TOX2: variants seen among roughly 807,000 people sequenced by gnomAD.
The protein encoded by TOX2 is TOX high mobility group box family member 2.
A neutral mutation model predicts 47.4 loss-of-function variants in TOX2; 15 were observed. That is an observed-to-expected ratio of 0.32 (90% confidence interval 0.21 to 0.49). The LOEUF is 0.49. Among genes scored for constraint, TOX2 ranks in the 20% least tolerant of loss-of-function variants. The probability of loss-of-function intolerance (pLI) is 0.99; values close to 1 mark genes in which losing one functional copy is unlikely to be tolerated. For missense variants in TOX2, 622 were observed against 673.1 expected (o/e 0.92, Z 0.84); for synonymous variants, 290 against 296.6 (o/e 0.98, Z 0.23).
chr20:44,006,414 C>A (rs1319158191), intron 2 of TOX2, 133 bp from the exon 3 acceptor site: 2 of 1,412,702 alleles, frequency 1.4e-6, no homozygotes, highest in African/African-American at 1.4e-5. Flanking sequence ...CTCTGCCTTG[C>A]AGAAACATCA....
intron 1 of TOX2, among the ~76,000 whole-genome samples, chr20:43,922,923 C>G (rs562430431): frequency 2.6e-5 from 4 of 152,102 alleles, no homozygotes; most frequent in African/African-American, 9.7e-5. Context: ...GGGTGAATGG[C>G]TATGTGGATT....
intron 2 of TOX2, among the ~76,000 whole-genome samples, chr20:43,998,483 C>T (rs917103759): frequency 2.0e-5 from 3 of 152,194 alleles, no homozygotes; most frequent in Non-Finnish European, 4.4e-5. Context: ...CCTCAATCCT[C>T]ACTCATTTCT....
intron 1 of TOX2, among the ~76,000 whole-genome samples, chr20:43,964,404 G>A (rs1204521420): frequency 6.6e-6 from 1 of 152,260 alleles, no homozygotes; most frequent in Non-Finnish European, 1.5e-5. Context: ...GACCTAGGTT[G>A]CAGCTGTCTC....
intron 2 of TOX2, among the ~76,000 whole-genome samples, chr20:44,004,578 C>T (rs1251037251): frequency 6.6e-6 from 1 of 152,192 alleles, no homozygotes; most frequent in African/African-American, 2.4e-5. Flanking sequence ...AAGGCACTTA[C>T]CCTCTCAGTC....
intron 3 of TOX2, among the ~76,000 whole-genome samples, chr20:44,034,104 G>A (rs2071200602): frequency 6.6e-6 from 1 of 152,134 alleles, no homozygotes; most frequent in South Asian, 2.1e-4. Context: ...CATCACTCCA[G>A]CCCTGCCAGG....
rs1347093346 is a variant in TOX2 at position 43,996,638 on chromosome 20, CT to C, written c.166-9900del. Among the ~76,000 whole-genome samples the C allele has an allele frequency of 7.3e-5, 11 of 151,184 alleles. No homozygotes were observed. The East Asian group carries it at 1.4e-3, about 19-fold the overall frequency. On this transcript the variant is annotated intron_variant, in intron 2 of 8. Transcript: ENST00000341197. ...ACTTGTTCTGCATATCATCCGAGGG[CT>C]TTTTTTTTCTTGCTTGGGTGTGTGT...
At chr20:44,035,991 G>A (rs143253437) in intron 3 of TOX2, among the ~76,000 whole-genome samples, 6 of 152,314 alleles carry the variant, frequency 3.9e-5, no homozygotes, top group East Asian at 3.9e-4. Flanking sequence ...TTGAGTCAAC[G>A]GGGCTGGGCC....
At position 43,981,157 on chromosome 20, in the gene TOX2, T is replaced by C. The variant is rs370578853; in HGVS notation, c.165+7725T>C. 9.2e-5 allele frequency among the ~76,000 whole-genome samples: 14 copies of C among 152,314 alleles called. No individual in the cohort carries two copies. The East Asian group carries it at 1.9e-3, about 21-fold the overall frequency. Reference sequence around the variant, plus strand: ...AATTGGATTGACCAAAATCCAAAGGTTTGATAACACACTCGGTTGGAGTTC... The same window carrying C: ...AATTGGATTGACCAAAATCCAAAGGCTTGATAACACACTCGGTTGGAGTTC... On this transcript the variant is annotated intron_variant, in intron 2 of 8. Coordinates refer to ENST00000341197, the MANE Select transcript of TOX2 (RefSeq NM_001098797.2).
intron 1 of TOX2, among the ~76,000 whole-genome samples, chr20:43,921,033 C>T (rs924676923): frequency 2.0e-5 from 3 of 152,230 alleles, no homozygotes; most frequent in South Asian, 2.1e-4. Flanking sequence ...GCTTGAGGAA[C>T]TTAGCATCTG....
intron 3 of TOX2, among the ~76,000 whole-genome samples, chr20:44,024,503 A>T (rs1469780578): frequency 6.6e-6 from 1 of 152,134 alleles, no homozygotes; most frequent in African/African-American, 2.4e-5. Flanking sequence ...TTAATAATAA[A>T]AAGTTTATGG....
In TOX2 at chr20:43,916,024, G is replaced by T. The variant is rs1157234502; in HGVS notation, c.99+1034G>T. On this transcript the variant is annotated intron_variant, in intron 1 of 8. Transcript: ENST00000341197. This position sits in a 1 kb window ranked among gnomAD's most constrained non-coding sequence, Gnocchi z 5.0. ...TAAGCAGTCCGCGTCCCCTTCGGTC[G>T]CCGGAGAGGGAACTTTCAAACTTAG... 9.1e-6 allele frequency: 7 copies of T among 769,994 alleles called. No homozygotes were observed. Among genetic ancestry groups the T allele is most frequent in the Non-Finnish European group, 9.5e-6 (6 of 633,456 alleles). 47.7% of individuals were successfully genotyped at this position (769,994 alleles called of 1,614,324 possible). A position where few individuals can be genotyped will look rare whatever the true frequency, so the allele number is the denominator to read the frequency against.
intron 3 of TOX2, among the ~76,000 whole-genome samples, chr20:44,040,538 T>C (rs1322762832): frequency 6.6e-6 from 1 of 152,166 alleles, no homozygotes; most frequent in Non-Finnish European, 1.5e-5. Context: ...GCTGTGTGAT[T>C]ATGGGCAAGT....
intron 1 of TOX2, among the ~76,000 whole-genome samples, chr20:43,967,469 C>T (rs2069877417): frequency 6.6e-6 from 1 of 152,072 alleles, no homozygotes; most frequent in African/African-American, 2.4e-5. Context: ...CCATTTTACC[C>T]ACCCGGGAAC....
intron 1 of TOX2, among the ~76,000 whole-genome samples, chr20:43,949,173 C>T (rs1044748082): frequency 2.0e-5 from 3 of 152,242 alleles, no homozygotes; most frequent in Non-Finnish European, 4.4e-5. Flanking sequence ...GACTGTCCAC[C>T]CCTCGGCTTA....
chr20:44,041,533 G>A (rs1446438365), intron 3 of TOX2, among the ~76,000 whole-genome samples: 8 of 152,290 alleles, frequency 5.3e-5, no homozygotes, highest in African/African-American at 1.9e-4. Context: ...AGCCAGTCAT[G>A]TACTGTCTTT....
At chr20:43,966,873 T>C (rs115299398) in intron 1 of TOX2, among the ~76,000 whole-genome samples, 1,651 of 152,172 alleles carry the variant, frequency 0.011, 31 homozygotes, top group African/African-American at 0.038. Context: ...GTGGAGTCTC[T>C]GCAGGGTTTG....
intron 1 of TOX2, among the ~76,000 whole-genome samples, chr20:43,959,481 G>A (rs2069721637): frequency 6.6e-6 from 1 of 152,216 alleles, no homozygotes; most frequent in East Asian, 1.9e-4. Flanking sequence ...AAGTTCAGAT[G>A]ACCTAGAAAA....
In TOX2 at chr20:44,026,672, G is replaced by A. The variant is rs559879831; in HGVS notation, c.411+19880G>A. On this transcript the variant is annotated intron_variant, in intron 3 of 8. Transcript: ENST00000341197. ...AATGTGTGGCTTCTTCTGCCTCCCT[G>A]ACACTGTCTCAGGCCAGACCTCCCC... 7.9e-5 allele frequency among the ~76,000 whole-genome samples: 12 copies of A among 152,176 alleles called. No individual in the cohort carries two copies. In the South Asian group the frequency reaches 2.5e-3, roughly 32 times the overall value.
intron 1 of TOX2, among the ~76,000 whole-genome samples, chr20:43,945,163 C>G (rs2069448436): frequency 6.6e-6 from 1 of 151,758 alleles, no homozygotes; most frequent in African/African-American, 2.4e-5. Context: ...AAAAATGAAA[C>G]AAGAAAGAAA....
Sources: allele counts gnomAD v4.1 joint callset (sites outside exome capture counted in the v4.1 genomes callset), GRCh38; gene constraint gnomAD v4.1.1; non-coding constraint Gnocchi (gnomAD v3.1); transcripts MANE v1.5; gene names NCBI Gene and HGNC (gene_info 2026-07-23, HGNC 2026-07-21).